CNTN5: variants seen among roughly 807,000 people sequenced by gnomAD.
CNTN5 encodes contactin 5, also known as contactin-5.
A neutral mutation model predicts 129.1 loss-of-function variants in CNTN5; 77 were observed. The observed-to-expected ratio is 0.60, with a 90% CI of 0.50 to 0.72. The LOEUF is 0.72. Ranked by LOEUF, CNTN5 falls within the 30% of genes least tolerant of loss-of-function variation. The pLI is 0.00. For synonymous variants in CNTN5, 509 were observed against 465.6 expected, an observed-to-expected ratio of 1.09 and a Z score of -1.20; for missense variants, 1,478 against 1,328.8, an observed-to-expected ratio of 1.11 and a Z score of -1.75.
intron 2 of CNTN5, among the ~76,000 whole-genome samples, chr11:99,461,342 G>A (rs994730387): frequency 2.0e-5 from 3 of 152,046 alleles, no homozygotes; most frequent in South Asian, 2.1e-4. Flanking sequence ...TAGGTTTGTC[G>A]TTTCTGGTTT....
intron 1 of CNTN5, among the ~76,000 whole-genome samples, chr11:99,269,724 A>G (rs1331020731): frequency 6.8e-6 from 1 of 147,576 alleles, no homozygotes; most frequent in African/African-American, 2.7e-5. Context: ...ATAATTGAAA[A>G]TATTTCAGAT....
chr11:99,517,129 T>A (rs539046866), intron 2 of CNTN5, among the ~76,000 whole-genome samples: 1 of 152,222 alleles, frequency 6.6e-6, no homozygotes, highest in South Asian at 2.1e-4. Context: ...GTTTTATCTC[T>A]CTTTTAAAGA....
chr11:99,827,407 A>C (rs1470636842), intron 4 of CNTN5, among the ~76,000 whole-genome samples: 19 of 152,050 alleles, frequency 1.2e-4, no homozygotes, highest in Admixed American at 1.2e-3. Context: ...GGTTCTTTTT[A>C]AGTTTTATTA....
intron 9 of CNTN5, among the ~76,000 whole-genome samples, chr11:100,002,394 T>G (rs78962553): frequency 6.6e-6 from 1 of 152,154 alleles, no homozygotes; most frequent in African/African-American, 2.4e-5. Context: ...AAGCTTTACA[T>G]CTTTACCTAT....
At chr11:99,610,011 T>C (rs1262394789) in intron 3 of CNTN5, among the ~76,000 whole-genome samples, 1 of 152,118 alleles carries the variant, frequency 6.6e-6, no homozygotes, top group African/African-American at 2.4e-5. Context: ...TAAGATAAAT[T>C]GCACTGTTAA....
chr11:100,161,737 G>A (rs1170213998), intron 13 of CNTN5, among the ~76,000 whole-genome samples: 1 of 150,856 alleles, frequency 6.6e-6, no homozygotes, highest in Non-Finnish European at 1.5e-5. Flanking sequence ...GACAGAAGGT[G>A]GTTATTAATT....
At chr11:99,691,886 T>C (rs1954053314) in intron 3 of CNTN5, among the ~76,000 whole-genome samples, 2 of 152,120 alleles carry the variant, frequency 1.3e-5, no homozygotes, top group South Asian at 4.1e-4. Context: ...TCTAAGTCTC[T>C]TTGAAGGTCT....
chr11:100,074,353 C>A, intron 13 of CNTN5, 59 bp downstream of exon 13: 1 of 1,347,626 alleles, frequency 7.4e-7, no homozygotes, highest in Non-Finnish European at 1.0e-6. Flanking sequence ...TTACAGGTGA[C>A]ACACACAAAC....
At chr11:99,233,685 C>T (rs546165397) in intron 1 of CNTN5, among the ~76,000 whole-genome samples, 34 of 152,222 alleles carry the variant, frequency 2.2e-4, no homozygotes, top group Non-Finnish European at 4.3e-4. Flanking sequence ...CGGTGGCTCA[C>T]GCCTGTAATC....
chr11:99,819,693 T>G lies in CNTN5; in HGVS notation c.205T>G (p.Trp69Gly), dbSNP rs778655565. ...AACACTGAGTGCTTCTTCACCCAGC[T>G]GGCTAGGGGCAGCTCAGAATTATTA... Reference protein sequence around the residue: ...LGTLSASSPSWLGAAQNYYSP... With the variant: ...LGTLSASSPSGLGAAQNYYSP... The change falls in exon 4 of 25, where the codon TGG becomes GGG. Residue 69 changes from tryptophan to glycine, a missense_variant. Coordinates refer to ENST00000524871, the MANE Select transcript of CNTN5 (RefSeq NM_014361.4). 1.7e-5 allele frequency: 28 copies of G among 1,612,926 alleles called. No homozygotes were observed. The East Asian group carries it at 6.2e-4, about 36-fold the overall frequency.
At position 99,162,797 on chromosome 11, in the gene CNTN5, A is replaced by G. The variant is rs181813084; in HGVS notation, c.-210+141527A>G. 2.0e-3 allele frequency among the ~76,000 whole-genome samples: 298 copies of G among 152,256 alleles called. 1 individual carries two copies. Among genetic ancestry groups the G allele is most frequent in the Middle Eastern group, 3.4e-3 (1 of 294 alleles). ...CCACTCATCAAATAAATGGATTACA[A>G]TTTTTACCTTGATACTGTATAAATA... On this transcript the variant is annotated intron_variant, in intron 1 of 24. Coordinates refer to ENST00000524871, the MANE Select transcript of CNTN5 (RefSeq NM_014361.4).
At chr11:99,188,357 G>A (rs1214823374) in intron 1 of CNTN5, among the ~76,000 whole-genome samples, 1 of 151,760 alleles carries the variant, frequency 6.6e-6, no homozygotes, top group Admixed American at 6.6e-5. Context: ...TGGTGTCCAA[G>A]TCCCTTTCCA....
chr11:99,250,649 C>T (rs1053217874), intron 1 of CNTN5, among the ~76,000 whole-genome samples: 13 of 151,854 alleles, frequency 8.6e-5, no homozygotes, highest in Non-Finnish European at 1.8e-4. Context: ...TCACATTTTT[C>T]TTGTAGTTGA....
chr11:99,900,588 A>T (rs964951901), intron 6 of CNTN5, among the ~76,000 whole-genome samples: 1 of 151,402 alleles, frequency 6.6e-6, no homozygotes, highest in African/African-American at 2.4e-5. Context: ...GTTTAACATG[A>T]TCTTTTTTGT....
At chr11:100,289,792 T>C (rs1591481682) in intron 18 of CNTN5, among the ~76,000 whole-genome samples, 2 of 150,360 alleles carry the variant, frequency 1.3e-5, no homozygotes, top group African/African-American at 4.9e-5. Flanking sequence ...ATAAAGGGTA[T>C]TCAATTAGGA....
intron 18 of CNTN5, among the ~76,000 whole-genome samples, chr11:100,285,421 A>G (rs953526146): frequency 2.0e-5 from 3 of 152,138 alleles, no homozygotes; most frequent in Admixed American, 6.5e-5. Context: ...GTTTTAGCAC[A>G]TGGCACACTC....
At chr11:99,306,161 A>G (rs1864866236) in intron 1 of CNTN5, among the ~76,000 whole-genome samples, 1 of 152,148 alleles carries the variant, frequency 6.6e-6, no homozygotes, top group South Asian at 2.1e-4. Context: ...GTCCTTTAGG[A>G]CTTTAAGATA....
At chr11:99,671,906 T>G (rs1250686094) in intron 3 of CNTN5, among the ~76,000 whole-genome samples, 2 of 152,070 alleles carry the variant, frequency 1.3e-5, no homozygotes, top group South Asian at 2.1e-4. Flanking sequence ...ATTCACACAC[T>G]CACATAAACA....
At chr11:99,323,062 G>T (rs1035626831) in intron 1 of CNTN5, among the ~76,000 whole-genome samples, 1 of 152,124 alleles carries the variant, frequency 6.6e-6, no homozygotes, top group African/African-American at 2.4e-5. Context: ...GTTGGCAAAG[G>T]TCATTCTTTT....
Sources: allele counts gnomAD v4.1 joint callset (sites outside exome capture counted in the v4.1 genomes callset), GRCh38; gene constraint gnomAD v4.1.1; transcripts MANE v1.5; gene names NCBI Gene and HGNC (gene_info 2026-07-23, HGNC 2026-07-21).